The following METAP1D variants were observed in gnomAD, a reference collection of about 807,000 sequenced individuals.
The protein encoded by METAP1D is methionyl aminopeptidase type 1D, mitochondrial.
In METAP1D, 31 loss-of-function variants were observed where a neutral mutation model predicts 40.5. The ratio of observed to expected loss-of-function variants is 0.77; its 90% confidence interval spans 0.58 to 1.03. The LOEUF (loss-of-function observed/expected upper bound fraction) is 1.03. Ranked by LOEUF, METAP1D falls within the 50% of genes least tolerant of loss-of-function variation. The pLI is 0.00. For synonymous variants in METAP1D, 151 were observed against 146.4 expected (o/e 1.03, Z -0.22); for missense variants, 411 against 420.7 (o/e 0.98, Z 0.20).
chr2:172,057,984 G>C (rs937034336), intron 1 of METAP1D, among the ~76,000 whole-genome samples: 3 of 150,546 alleles, frequency 2.0e-5, no homozygotes, highest in African/African-American at 7.3e-5. Flanking sequence ...CCAGGCTGGA[G>C]TGCAGTGGTG....
At chr2:172,029,563 T>G (rs1166137038) in intron 1 of METAP1D, among the ~76,000 whole-genome samples, 1 of 152,230 alleles carries the variant, frequency 6.6e-6, no homozygotes, top group African/African-American at 2.4e-5. Context: ...CTGTCAATAT[T>G]ACAGCGAAAC....
chr2:172,078,718 G>A (rs554517384), intron 7 of METAP1D, among the ~76,000 whole-genome samples: 3 of 152,306 alleles, frequency 2.0e-5, no homozygotes, highest in East Asian at 1.9e-4. Flanking sequence ...GTGCAGAAAC[G>A]GCTTGTCAGC....
chr2:172,016,300 A>AAAAAAAATATATATATATAT (rs1553490378), intron 1 of METAP1D, among the ~76,000 whole-genome samples: 1 of 40,058 alleles, frequency 2.5e-5, no homozygotes, highest in Non-Finnish European at 4.6e-5. Flanking sequence ...AAAAAAAAAA[A>AAAAAAAATATATATATATAT]ATATATATAT....
intron 1 of METAP1D, among the ~76,000 whole-genome samples, chr2:172,035,311 C>G (rs1193638435): frequency 1.3e-5 from 2 of 152,178 alleles, no homozygotes; most frequent in Non-Finnish European, 2.9e-5. Flanking sequence ...ACTGCAGGCG[C>G]CGGCCACCAC....
intron 7 of METAP1D, among the ~76,000 whole-genome samples, chr2:172,078,157 G>A (rs1690595232): frequency 6.6e-6 from 1 of 152,176 alleles, no homozygotes; most frequent in Non-Finnish European, 1.5e-5. Context: ...ATGGCTGGAA[G>A]GCACAAGGGA....
At chr2:172,057,005 A>T (rs112930602) in intron 1 of METAP1D, among the ~76,000 whole-genome samples, 3 of 152,244 alleles carry the variant, frequency 2.0e-5, no homozygotes, top group Non-Finnish European at 2.9e-5. Context: ...CCCTGAAAGA[A>T]TACATTATGT....
intron 3 of METAP1D, 34 bp downstream of exon 3, chr2:172,063,894 TA>T: frequency 6.4e-7 from 1 of 1,556,620 alleles, no homozygotes; most frequent in Admixed American, 2.1e-5. Flanking sequence ...ACGACTTACA[TA>T]AGGGGCAACA....
chr2:172,065,492 T>A (rs1400111550), intron 3 of METAP1D, 112 bp from the exon 4 acceptor site: 1 of 1,036,112 alleles, frequency 9.7e-7, no homozygotes, highest in East Asian at 2.4e-5. Context: ...CATAACTTTA[T>A]CATAGTAAAT....
At chr2:172,048,020 G>A (rs1689800280) in intron 1 of METAP1D, among the ~76,000 whole-genome samples, 1 of 152,142 alleles carries the variant, frequency 6.6e-6, no homozygotes, top group South Asian at 2.1e-4. Flanking sequence ...AAATTAGGCT[G>A]TCCGTAATTC....
rs368213141 is a variant in METAP1D, at chr2:172,048,296, T to G, written c.41-13202T>G. 4.2e-4 allele frequency among the ~76,000 whole-genome samples: 64 copies of G among 152,324 alleles called. 2 individuals carry two copies. Among genetic ancestry groups the G allele is most frequent in the African/African-American group, 1.5e-3 (62 of 41,566 alleles). On this transcript the variant is annotated intron_variant, in intron 1 of 9. Coordinates refer to ENST00000315796, the MANE Select transcript of METAP1D (RefSeq NM_199227.3). ...TTCAGGCTGGTTTCTACCTACTGAT[T>G]AGTCCATTTTAGAGTGACCTCCTCC...
chr2:172,054,250 G>C (rs969765794), intron 1 of METAP1D, among the ~76,000 whole-genome samples: 1 of 152,166 alleles, frequency 6.6e-6, no homozygotes, highest in South Asian at 2.1e-4. Context: ...GGCCAGGCAC[G>C]GTGGCTCATG....
intron 1 of METAP1D, among the ~76,000 whole-genome samples, chr2:172,033,839 G>T (rs1262468341): frequency 6.6e-6 from 1 of 150,770 alleles, no homozygotes; most frequent in African/African-American, 2.4e-5. Flanking sequence ...CACTTTGGGA[G>T]GCCGAGGCGG....
intron 1 of METAP1D, among the ~76,000 whole-genome samples, chr2:172,059,925 C>CTA (rs1690097269): frequency 6.6e-6 from 1 of 152,126 alleles, no homozygotes; most frequent in Admixed American, 6.5e-5. Context: ...GTGGTGCGCG[C>CTA]CTGCAGTCCC....
At chr2:172,071,146 A>G in intron 6 of METAP1D, 76 bp downstream of exon 6, 1 of 1,296,270 alleles carries the variant, frequency 7.7e-7, no homozygotes, top group Non-Finnish European at 1.0e-6. Flanking sequence ...TATAAAGTTG[A>G]TGACATGTTT....
intron 1 of METAP1D, among the ~76,000 whole-genome samples, chr2:172,040,119 G>A (rs868653949): frequency 4.1e-5 from 6 of 144,624 alleles, no homozygotes; most frequent in Middle Eastern, 4.4e-3. Flanking sequence ...CATCACGCCC[G>A]GCTAATTTTT....
At position 172,080,532 on chromosome 2, in the gene METAP1D, C is replaced by A. The variant is rs1690680853; in HGVS notation, c.*126C>A. ...CGGTAACCTGCGTGGCTCCTGATAGCGTTTGGAAGAACGCGGGGGAGACTG... is the reference window on the plus strand; with the variant it reads ...CGGTAACCTGCGTGGCTCCTGATAGAGTTTGGAAGAACGCGGGGGAGACTG... On this transcript the variant is annotated 3_prime_UTR_variant, in exon 10 of 10. Transcript: ENST00000315796. 1 of 975,944 alleles carries A rather than the reference C, an allele frequency of 1.0e-6. No homozygotes were observed. Among genetic ancestry groups the A allele is most frequent in the Non-Finnish European group, 1.6e-6 (1 of 635,950 alleles). 60.5% of individuals were successfully genotyped at this position (975,944 alleles called of 1,614,324 possible).
intron 1 of METAP1D, among the ~76,000 whole-genome samples, chr2:172,011,756 A>G (rs576559759): frequency 3.3e-5 from 5 of 152,346 alleles, no homozygotes; most frequent in Admixed American, 6.5e-5. Context: ...GTATGGATAT[A>G]TCACATTTTG....
intron 1 of METAP1D, among the ~76,000 whole-genome samples, chr2:172,016,394 G>A (rs1194112628): frequency 1.4e-5 from 2 of 145,296 alleles, no homozygotes; most frequent in Admixed American, 1.4e-4. Flanking sequence ...AAGGCAGGTG[G>A]ATGGCTTCAG....
At chr2:172,017,241 C>T (rs1464348379) in intron 1 of METAP1D, among the ~76,000 whole-genome samples, 2 of 93,474 alleles carry the variant, frequency 2.1e-5, no homozygotes, top group African/African-American at 7.5e-5. Context: ...GTTTTACACA[C>T]ACACACACAC....
Sources: gnomAD v4.1 joint callset for allele counts (sites outside exome capture counted in the v4.1 genomes callset) on GRCh38, gnomAD v4.1.1 for gene constraint, MANE v1.5 for transcripts, NCBI Gene and HGNC (gene_info 2026-07-23, HGNC 2026-07-21) for gene names.